Variants in EYA1 observed in about 807,000 individuals in gnomAD.
The protein encoded by EYA1 is protein phosphatase EYA1.
In EYA1, 16 loss-of-function variants were observed where a neutral mutation model predicts 82.0. The ratio of observed to expected loss-of-function variants is 0.20; its 90% CI spans 0.13 to 0.30. The LOEUF is 0.30. Among genes scored for constraint, EYA1 ranks in the 10% least tolerant of loss-of-function variants. EYA1 has a pLI of 1.00. For missense variants in EYA1, 633 were observed against 730.7 expected (o/e 0.87, Z 1.54); for synonymous variants, 261 against 264.4 (o/e 0.99, Z 0.12).
chr8:71,546,979 G>C (rs1305006623), intron 1 of EYA1, among the ~76,000 whole-genome samples: 1 of 152,148 alleles, frequency 6.6e-6, no homozygotes, highest in African/African-American at 2.4e-5. Flanking sequence ...TAAAGAAAAC[G>C]ATGAAAAGTG....
At chr8:71,402,255 T>C (rs73684797) in intron 2 of EYA1, among the ~76,000 whole-genome samples, 209 of 152,232 alleles carry the variant, frequency 1.4e-3, no homozygotes, top group African/African-American at 4.8e-3. Flanking sequence ...TTTTTTCCCC[T>C]CCACTTGCTT....
intron 12 of EYA1, among the ~76,000 whole-genome samples, chr8:71,238,185 C>T (rs1362821351): frequency 2.6e-5 from 4 of 152,072 alleles, no homozygotes; most frequent in Non-Finnish European, 5.9e-5. Context: ...TATTACTTCA[C>T]TATTAATTTG....
chr8:71,530,135 T>C (rs1414428976), intron 2 of EYA1, among the ~76,000 whole-genome samples: 1 of 152,200 alleles, frequency 6.6e-6, no homozygotes, highest in African/African-American at 2.4e-5. Flanking sequence ...GTCATTAAGA[T>C]AGGCCCTAAT....
intron 2 of EYA1, among the ~76,000 whole-genome samples, chr8:71,412,310 C>A (rs1332268909): frequency 6.8e-6 from 1 of 147,078 alleles, no homozygotes; most frequent in East Asian, 2.0e-4. Flanking sequence ...AGCGCACCAG[C>A]ATGGCACATG....
intron 2 of EYA1, among the ~76,000 whole-genome samples, chr8:71,453,307 T>C (rs1005341390): frequency 2.6e-5 from 4 of 152,126 alleles, no homozygotes; most frequent in African/African-American, 9.7e-5. Flanking sequence ...GTGAGCCTGA[T>C]AGTGACGGGG....
At chr8:71,239,303 G>A (rs938471572) in intron 12 of EYA1, among the ~76,000 whole-genome samples, 3 of 152,090 alleles carry the variant, frequency 2.0e-5, no homozygotes, top group Non-Finnish European at 2.9e-5. Context: ...GTCAACTAAG[G>A]AAATGCACAA....
intron 11 of EYA1, among the ~76,000 whole-genome samples, chr8:71,252,149 G>C (rs1813824201): frequency 6.6e-6 from 1 of 151,886 alleles, no homozygotes; most frequent in African/African-American, 2.4e-5. Context: ...CATTAAAAAT[G>C]GACTTTTTAG....
intron 11 of EYA1, 36 bp from the exon 12 acceptor site, chr8:71,244,728 A>G (rs1202429123): frequency 2.5e-6 from 3 of 1,199,864 alleles, no homozygotes; most frequent in Non-Finnish European, 3.7e-6. Flanking sequence ...GAACATGTAT[A>G]CTTCAGGTTA....
intron 2 of EYA1, among the ~76,000 whole-genome samples, chr8:71,369,219 A>AAG (rs1827949473): frequency 6.6e-6 from 1 of 151,888 alleles, no homozygotes; most frequent in Admixed American, 6.6e-5. Context: ...AAAAAAAAAA[A>AAG]AAAACTTCTT....
chr8:71,369,223 A>C (rs1827950314), intron 2 of EYA1, among the ~76,000 whole-genome samples: 3 of 151,064 alleles, frequency 2.0e-5, no homozygotes, highest in South Asian at 4.2e-4. Flanking sequence ...AAAAAAAAAA[A>C]CTTCTTAAAG....
chr8:71,411,186 G>A (rs1321269756), intron 2 of EYA1, among the ~76,000 whole-genome samples: 1 of 3,448 alleles, frequency 2.9e-4, no homozygotes, highest in South Asian at 4.8e-3. Context: ...TATGTAGAAA[G>A]CTGAAACTGG....
At chr8:71,481,602 T>C (rs1810169637) in intron 2 of EYA1, among the ~76,000 whole-genome samples, 1 of 152,200 alleles carries the variant, frequency 6.6e-6, no homozygotes, top group South Asian at 2.1e-4. Context: ...CTTTGTGGTA[T>C]TGATACTTAA....
intron 2 of EYA1, among the ~76,000 whole-genome samples, chr8:71,476,242 T>C (rs1350746997): frequency 2.6e-5 from 4 of 152,134 alleles, no homozygotes; most frequent in Admixed American, 1.3e-4. Context: ...TCAATTCTTC[T>C]GGAATAGACA....
At chr8:71,215,590 C>A (rs928717863) in intron 15 of EYA1, 24 bp downstream of exon 15, 2 of 1,611,470 alleles carry the variant, frequency 1.2e-6, no homozygotes, top group Admixed American at 3.3e-5. Flanking sequence ...CATTTCCTGG[C>A]AAAGACCCCG....
chr8:71,505,673 A>G (rs561950433), intron 2 of EYA1, among the ~76,000 whole-genome samples: 83 of 152,306 alleles, frequency 5.4e-4, no homozygotes, highest in Admixed American at 9.1e-4. Flanking sequence ...AGCTTGGAGA[A>G]CCTGGCCTGC....
At chr8:71,516,841 G>T (rs1412409995) in intron 2 of EYA1, among the ~76,000 whole-genome samples, 3 of 152,030 alleles carry the variant, frequency 2.0e-5, no homozygotes, top group Non-Finnish European at 4.4e-5. Flanking sequence ...TTCTAGAAAA[G>T]GTAGTTAAAT....
intron 2 of EYA1, among the ~76,000 whole-genome samples, chr8:71,494,022 C>CAAAAAAAAAA (rs34340467): frequency 0.012 from 505 of 41,684 alleles, 26 homozygotes; most frequent in African/African-American, 0.013. Flanking sequence ...GACTCCGTCT[C>CAAAAAAAAAA]AAAAAAAAAA....
intron 2 of EYA1, among the ~76,000 whole-genome samples, chr8:71,477,611 T>C (rs1422011825): frequency 6.6e-6 from 1 of 151,976 alleles, no homozygotes; most frequent in African/African-American, 2.4e-5. Context: ...GGCACCCTCA[T>C]GTATTGCAGT....
chr8:71,500,342 C>T (rs1279435038), intron 2 of EYA1, among the ~76,000 whole-genome samples: 1 of 152,218 alleles, frequency 6.6e-6, no homozygotes, highest in Non-Finnish European at 1.5e-5. Context: ...CTTAGAACTT[C>T]TACTGGTGTC....
Sources: gnomAD v4.1 joint callset for allele counts (sites outside exome capture counted in the v4.1 genomes callset) on GRCh38, gnomAD v4.1.1 for gene constraint, MANE v1.5 for transcripts, NCBI Gene and HGNC (gene_info 2026-07-23, HGNC 2026-07-21) for gene names.